Variants in DOK6 observed in about 807,000 individuals in gnomAD.
The protein encoded by DOK6 is docking protein 6.
DOK6 carries 22 observed loss-of-function variants against 44.0 expected under a neutral mutation model. That is an observed-to-expected ratio of 0.50 (90% CI 0.36 to 0.71). DOK6 has a LOEUF of 0.71. DOK6 is among the 30% of genes least tolerant of loss of function. The probability of loss-of-function intolerance (pLI) is 0.00; values close to 1 mark genes in which losing one functional copy is unlikely to be tolerated. For missense variants in DOK6, 340 were observed against 416.4 expected (o/e 0.82, Z 1.60); for synonymous variants, 166 against 145.5 (o/e 1.14, Z -1.01).
chr18:69,429,333 T>C (rs1343914393), intron 1 of DOK6, among the ~76,000 whole-genome samples: 1 of 152,008 alleles, frequency 6.6e-6, no homozygotes, highest in Non-Finnish European at 1.5e-5. Flanking sequence ...AACATGTGGT[T>C]CTGCCCTGTT....
intron 5 of DOK6, among the ~76,000 whole-genome samples, chr18:69,702,041 A>G (rs1986532676): frequency 2.6e-5 from 4 of 152,030 alleles, no homozygotes; most frequent in Non-Finnish European, 5.9e-5. Context: ...TATGTTATAT[A>G]CACTATAAGG....
intron 3 of DOK6, among the ~76,000 whole-genome samples, chr18:69,633,778 G>C (rs1161579348): frequency 1.3e-5 from 2 of 152,084 alleles, no homozygotes; most frequent in African/African-American, 4.8e-5. Context: ...GCTTAGTGGA[G>C]ACAATAAGGA....
intron 1 of DOK6, among the ~76,000 whole-genome samples, chr18:69,525,595 A>C (rs1302398629): frequency 6.6e-6 from 1 of 151,986 alleles, no homozygotes; most frequent in African/African-American, 2.4e-5. Flanking sequence ...GTACTACTAC[A>C]CTTGCCATTT....
At chr18:69,651,496 T>TG (rs1464985595) in intron 3 of DOK6, among the ~76,000 whole-genome samples, 3 of 149,792 alleles carry the variant, frequency 2.0e-5, no homozygotes, top group South Asian at 2.1e-4. Flanking sequence ...TTTTTTTTTT[T>TG]TTTTTTTTTT....
chr18:69,786,357 A>G (rs1884508945), intron 7 of DOK6, among the ~76,000 whole-genome samples: 1 of 152,170 alleles, frequency 6.6e-6, no homozygotes, highest in African/African-American at 2.4e-5. Flanking sequence ...GCTTCCCTTT[A>G]TTTTACAAGT....
intron 1 of DOK6, among the ~76,000 whole-genome samples, chr18:69,457,567 T>C (rs986393648): frequency 2.0e-5 from 3 of 152,218 alleles, no homozygotes; most frequent in African/African-American, 7.2e-5. Flanking sequence ...TCAGGTGATG[T>C]GATGCCTCAA....
intron 2 of DOK6, among the ~76,000 whole-genome samples, chr18:69,572,793 A>G (rs1360843764): frequency 1.3e-5 from 2 of 152,056 alleles, no homozygotes; most frequent in African/African-American, 2.4e-5. Context: ...ATTAAGTAAT[A>G]TGAAAGCAAA....
intron 5 of DOK6, among the ~76,000 whole-genome samples, chr18:69,719,221 G>T (rs1367933311): frequency 6.6e-6 from 1 of 151,212 alleles, no homozygotes; most frequent in Non-Finnish European, 1.5e-5. Flanking sequence ...TTGGAGGGCA[G>T]GGGGCTAGGG....
intron 1 of DOK6, among the ~76,000 whole-genome samples, chr18:69,475,881 A>G (rs1055808952): frequency 5.9e-5 from 9 of 152,188 alleles, no homozygotes; most frequent in African/African-American, 2.2e-4. Context: ...TTTATTTTTT[A>G]TTATTTTATT....
chr18:69,813,963 A>T (rs1263745638), intron 7 of DOK6, among the ~76,000 whole-genome samples: 1 of 152,178 alleles, frequency 6.6e-6, no homozygotes, highest in Non-Finnish European at 1.5e-5. Context: ...ACTTAAAAGC[A>T]ATATACATAC....
chr18:69,585,191 T>C (rs982662371), intron 2 of DOK6, among the ~76,000 whole-genome samples: 13 of 152,154 alleles, frequency 8.5e-5, no homozygotes, highest in African/African-American at 2.4e-4. Context: ...TTGTAATATA[T>C]ACTGTTCAAT....
At chr18:69,682,551 T>C (rs1052960604) in intron 4 of DOK6, among the ~76,000 whole-genome samples, 2 of 152,212 alleles carry the variant, frequency 1.3e-5, no homozygotes, top group African/African-American at 2.4e-5. Flanking sequence ...TAATGCATGA[T>C]AGTATGCCCA....
Position 69,738,980 on chromosome 18 carries a change from A to C in DOK6, c.615A>C (p.Gly205=). 1 of 1,614,008 alleles carries C rather than the reference A, an allele frequency of 6.2e-7. No individual in the cohort carries two copies. Among genetic ancestry groups the C allele is most frequent in the Non-Finnish European group, 8.5e-7 (1 of 1,179,880 alleles). ...TFESGRMCDT[G]EGLFTFQTRE... ...ATTCTCACAGAATGTGTGACACAGG[A>C]GAAGGACTATTCACTTTTCAAACAA... is the stretch of plus-strand genomic sequence containing the variant. Residue 205 remains glycine (G), a synonymous_variant, in exon 6 of 8, where the codon GGA becomes GGC. Transcript: ENST00000382713.
At chr18:69,513,206 TAAGA>T (rs1304676431) in intron 1 of DOK6, among the ~76,000 whole-genome samples, 3 of 152,202 alleles carry the variant, frequency 2.0e-5, no homozygotes, top group African/African-American at 4.8e-5. Flanking sequence ...TTATTAAAAA[TAAGA>T]AAGAAGAGGA....
chr18:69,732,050 G>C (rs539226317), intron 5 of DOK6, among the ~76,000 whole-genome samples: 72 of 152,164 alleles, frequency 4.7e-4, no homozygotes, highest in African/African-American at 1.7e-3. Context: ...TAGCACCAAG[G>C]CACCATTCTT....
At chr18:69,680,966 C>T (rs1445938155) in intron 4 of DOK6, among the ~76,000 whole-genome samples, 1 of 152,134 alleles carries the variant, frequency 6.6e-6, no homozygotes, top group African/African-American at 2.4e-5. Flanking sequence ...TCAAGCATAA[C>T]ACCTTTTAAA....
At chr18:69,732,683 A>C (rs1212680929) in intron 5 of DOK6, among the ~76,000 whole-genome samples, 1 of 152,228 alleles carries the variant, frequency 6.6e-6, no homozygotes, top group East Asian at 1.9e-4. Context: ...TAATTGTGCC[A>C]TCACTGAGTA....
intron 3 of DOK6, among the ~76,000 whole-genome samples, chr18:69,654,796 G>A (rs1336958965): frequency 2.0e-5 from 3 of 152,132 alleles, no homozygotes; most frequent in South Asian, 2.1e-4. Context: ...AGTGGTGCAC[G>A]CCTGTAATCC....
At chr18:69,678,710 ATAT>A (rs1318044598) in intron 4 of DOK6, among the ~76,000 whole-genome samples, 2 of 152,212 alleles carry the variant, frequency 1.3e-5, no homozygotes, top group East Asian at 3.8e-4. Flanking sequence ...AATTGGAGTA[ATAT>A]TATTCAGCCT....
Sources: allele counts gnomAD v4.1 joint callset (sites outside exome capture counted in the v4.1 genomes callset), GRCh38; gene constraint gnomAD v4.1.1; transcripts MANE v1.5; gene names NCBI Gene and HGNC (gene_info 2026-07-23, HGNC 2026-07-21).